TAB1: variants seen among roughly 807,000 people sequenced by gnomAD.
TAB1 encodes TGF-beta activated kinase 1 (MAP3K7) binding protein 1, also known as TGF-beta-activated kinase 1 and MAP3K7-binding protein 1.
Under a neutral mutation model 54.5 loss-of-function variants are expected in TAB1, and 30 were observed. That is an observed-to-expected ratio of 0.55 (90% CI 0.41 to 0.75). The LOEUF is 0.75. Among genes scored for constraint, TAB1 ranks in the 30% least tolerant of loss-of-function variants. The pLI, the probability that TAB1 is intolerant of heterozygous loss-of-function variation, is 0.00. For missense variants in TAB1, 609 were observed against 683.2 expected, an observed-to-expected ratio of 0.89 and a Z score of 1.21; for synonymous variants, 289 against 286.9, an observed-to-expected ratio of 1.01 and a Z score of -0.07.
At chr22:39,420,884 G>C (rs533225545) in intron 7 of TAB1, among the ~76,000 whole-genome samples, 9 of 81,340 alleles carry the variant, frequency 1.1e-4, no homozygotes, top group East Asian at 5.8e-4. Context: ...GTCTCTCTCT[G>C]TGTGTGTGTG....
intron 10 of TAB1, 55 bp from the exon 11 acceptor site, chr22:39,429,960 C>T: frequency 6.2e-7 from 1 of 1,605,050 alleles, no homozygotes; most frequent in Non-Finnish European, 8.5e-7. Context: ...CCACTCTGCC[C>T]CAGGCCCCTT....
intron 7 of TAB1, among the ~76,000 whole-genome samples, chr22:39,420,348 T>TGAATTTGGAATA (rs1479523737): frequency 6.6e-6 from 1 of 152,220 alleles, no homozygotes; most frequent in African/African-American, 2.4e-5. Flanking sequence ...ACAGGCAGCC[T>TGAATTTGGAATA]GAATTTGGAA....
chr22:39,420,882 C>CTCTGTGTGTGTG (rs5845426), intron 7 of TAB1, among the ~76,000 whole-genome samples: 1 of 14,364 alleles, frequency 7.0e-5, no homozygotes, highest in African/African-American at 3.0e-4. Flanking sequence ...GTGTCTCTCT[C>CTCTGTGTGTGTG]TGTGTGTGTG....
chr22:39,433,925 A>C (rs1927684485), downstream of TAB1: 2 of 599,554 alleles, frequency 3.3e-6, no homozygotes, highest in African/African-American at 2.4e-5. Context: ...TCCATGGGTC[A>C]CTCACTCTCA....
intron 1 of TAB1, among the ~76,000 whole-genome samples, chr22:39,409,004 G>A (rs1926498279): frequency 3.3e-5 from 5 of 152,220 alleles, no homozygotes; most frequent in Admixed American, 3.3e-4. Flanking sequence ...GCATTGTGGT[G>A]ACACATTTGT....
At chr22:39,399,985 C>G (rs542099903) in intron 1 of TAB1, 150 bp downstream of exon 1, 4 of 934,274 alleles carry the variant, frequency 4.3e-6, no homozygotes, top group Non-Finnish European at 6.4e-6. Context: ...CGGGCTGGCC[C>G]CCTCGTTCCC....
chr22:39,424,106 GT>G, intron 8 of TAB1, among the ~76,000 whole-genome samples: 1 of 152,268 alleles, frequency 6.6e-6, no homozygotes, highest in African/African-American at 2.4e-5. Flanking sequence ...ATAGTTTGTG[GT>G]TTTCCACTCC....
In TAB1 at chr22:39,415,085, C is replaced by A; in HGVS notation, c.113C>A (p.Ser38Tyr). The A allele has an allele frequency of 2.5e-6, 4 of 1,613,002 alleles. No homozygotes were observed. Among genetic ancestry groups the A allele is most frequent in the Non-Finnish European group, 3.4e-6 (4 of 1,179,220 alleles). Reference sequence around the variant, plus strand: ...GGCTCAGCCTCCAACCGCAGCTACTCTGCTGATGGCAAGGGCACTGAGAGC... The same window carrying A: ...GGCTCAGCCTCCAACCGCAGCTACTATGCTGATGGCAAGGGCACTGAGAGC... ...GVGSASNRSY[S>Y]ADGKGTESHP... Residue 38 changes from serine to tyrosine, a missense_variant, in exon 2 of 11, where the codon TCT (serine) becomes TAT (tyrosine). By Grantham distance (144) the Ser-to-Tyr change is moderately radical (BLOSUM62 -2). Coordinates refer to ENST00000216160, the MANE Select transcript of TAB1 (RefSeq NM_006116.3). This position sits in a 1 kb window ranked among gnomAD's most constrained non-coding sequence, Gnocchi z 4.9.
intron 1 of TAB1, among the ~76,000 whole-genome samples, chr22:39,412,003 T>C (rs1224129692): frequency 2.0e-5 from 3 of 152,184 alleles, no homozygotes; most frequent in Non-Finnish European, 2.9e-5. Context: ...TACTGCATCA[T>C]TTCATTTATG....
In TAB1 at chr22:39,428,127, G is replaced by A. The variant is rs988773889; in HGVS notation, c.1251G>A (p.Met417Ile). 3 of 1,613,622 alleles carry A rather than the reference G, an allele frequency of 1.9e-6. No individual in the cohort carries two copies. In the African/African-American group the frequency reaches 4.0e-5, roughly 22 times the overall value. ...TTGTCATGCCCTCCCAGGGCCAGAT[G>A]GTCAACGGGGCTCACAGTGCTTCCA... Reference protein sequence around the residue: ...LSLVMPSQGQMVNGAHSASTL... With the variant: ...LSLVMPSQGQIVNGAHSASTL... The change falls in exon 10 of 11, where the codon ATG (methionine) becomes ATA (isoleucine). Residue 417 changes from methionine to isoleucine, a missense_variant. Physicochemically the swap from Met to Ile is conservative, Grantham distance 10. Coordinates refer to ENST00000216160, the MANE Select transcript of TAB1 (RefSeq NM_006116.3).
In TAB1 at chr22:39,412,171, CT is replaced by C. The variant is rs377039322; in HGVS notation, c.34-2834del. Among the ~76,000 whole-genome samples the C allele has an allele frequency of 1.0e-3, 154 of 152,272 alleles. No homozygotes were observed. In the East Asian group the frequency reaches 0.015, roughly 15 times the overall value. On this transcript the variant is annotated intron_variant, in intron 1 of 10. Coordinates refer to ENST00000216160, the MANE Select transcript of TAB1 (RefSeq NM_006116.3). ...TCTCGTGCCTCAGCCTCTTGAGTAG[CT>C]GGAATTACAGGTGTGCGCCACCACG...
In TAB1 at chr22:39,431,318, G is replaced by C. The variant is rs1927575596; in HGVS notation, c.*1096G>C. The C allele has an allele frequency of 1.0e-6, 1 of 985,622 alleles. No individual in the cohort carries two copies. The highest frequency in any genetic ancestry group is 1.2e-6 in the Non-Finnish European group (1 of 830,072). 61.1% of individuals were successfully genotyped at this position (985,622 alleles called of 1,614,324 possible). A position where few individuals can be genotyped will look rare whatever the true frequency, so the allele number is the denominator to read the frequency against. ...GGGGTGCCACCAGGGCTGTCGGCCA[G>C]GATTGCCACTCCTGTTTCAGAGGAA... On this transcript the variant is annotated 3_prime_UTR_variant, in exon 11 of 11. Transcript: ENST00000216160.
rs758038218 is a variant in TAB1, at chr22:39,415,637, G to A, written c.308G>A (p.Arg103Gln). 23 of 1,610,246 alleles carry A rather than the reference G, an allele frequency of 1.4e-5. No homozygotes were observed. The South Asian group carries it at 1.6e-4, about 12-fold the overall frequency. The change falls in exon 3 of 11, where the codon CGG (arginine) becomes CAG (glutamine). Residue 103 changes from arginine (R) to glutamine (Q), a missense_variant. Arg to Gln is a conservative substitution (Grantham distance 43, BLOSUM62 1). Transcript: ENST00000216160. The surrounding 1 kb of genome is among the most constrained non-coding windows in gnomAD (Gnocchi z 4.9). ...LNAEHAEADV[R>Q]RVLLQAFDVV... ...GCCGAGCACGCCGAGGCCGATGTGCGGCGTGTGCTGCTGCAGGTAATGGTG... is the reference window on the plus strand; with the variant it reads ...GCCGAGCACGCCGAGGCCGATGTGCAGCGTGTGCTGCTGCAGGTAATGGTG...
At chr22:39,429,966 C>A in intron 10 of TAB1, 49 bp from the exon 11 acceptor site, 1 of 1,606,830 alleles carries the variant, frequency 6.2e-7, no homozygotes, top group East Asian at 2.2e-5. Context: ...TGCCCCAGGC[C>A]CCTTGACCCG....
downstream of TAB1, among the ~76,000 whole-genome samples, chr22:39,435,653 G>T (rs1019713357): frequency 7.2e-5 from 11 of 152,216 alleles, no homozygotes; most frequent in Admixed American, 5.9e-4. Context: ...CCCTGTGGGT[G>T]GTGGGCCCCC....
chr22:39,416,164 GA>G (rs1359165627), intron 3 of TAB1, among the ~76,000 whole-genome samples: 2 of 152,156 alleles, frequency 1.3e-5, no homozygotes, highest in Non-Finnish European at 2.9e-5. Context: ...TTTCAGATGA[GA>G]AGATGGGCTT....
At chr22:39,411,281 C>T (rs988002693) in intron 1 of TAB1, among the ~76,000 whole-genome samples, 2 of 152,038 alleles carry the variant, frequency 1.3e-5, no homozygotes, top group African/African-American at 4.8e-5. Flanking sequence ...AAAGCATGAA[C>T]CATGAAAGAG....
At chr22:39,407,982 T>C (rs1025647869) in intron 1 of TAB1, among the ~76,000 whole-genome samples, 1 of 152,208 alleles carries the variant, frequency 6.6e-6, no homozygotes, top group Admixed American at 6.5e-5. Flanking sequence ...AGGGCTGAAG[T>C]ATACAGAGTA....
downstream of TAB1, chr22:39,436,641 ACTTG>A (rs1927797375): frequency 1.9e-5 from 23 of 1,242,136 alleles, no homozygotes; most frequent in Non-Finnish European, 2.6e-5. Flanking sequence ...GCCTGGTCTG[ACTTG>A]TGCACTGGGA....
Sources: allele counts gnomAD v4.1 joint callset (sites outside exome capture counted in the v4.1 genomes callset), GRCh38; gene constraint gnomAD v4.1.1; non-coding constraint Gnocchi (gnomAD v3.1); transcripts MANE v1.5; gene names NCBI Gene and HGNC (gene_info 2026-07-23, HGNC 2026-07-21).